Variants in CLEC12A observed in about 807,000 individuals in gnomAD.
The protein encoded by CLEC12A is C-type lectin domain family 12 member A, also known as C-type lectin protein CLL-1.
Under a neutral mutation model 26.5 loss-of-function variants are expected in CLEC12A, and 22 were observed. The ratio of observed to expected loss-of-function variants is 0.83; its 90% CI spans 0.59 to 1.19. CLEC12A has a LOEUF of 1.19. Ranked by LOEUF, CLEC12A falls within the 50% of genes most tolerant of loss-of-function variation. CLEC12A has a pLI of 0.00. For missense variants in CLEC12A, 353 were observed against 315.6 expected (o/e 1.12, Z -0.90); for synonymous variants, 119 against 101.9 (o/e 1.17, Z -1.01).
intron 4 of CLEC12A, chr12:9,992,559 A>G (rs1180339587): frequency 6.6e-6 from 1 of 152,202 alleles, no homozygotes; most frequent in African/African-American, 2.4e-5. Flanking sequence ...TTAACACTCT[A>G]AAGTTCTATT....
At chr12:9,964,134 C>A (rs2961541) in intron 1 of CLEC12A, among the ~76,000 whole-genome samples, 1 of 151,972 alleles carries the variant, frequency 6.6e-6, no homozygotes, top group East Asian at 1.9e-4. Flanking sequence ...AGAGTTGATA[C>A]AAGGAGAAAG....
chr12:9,995,263 T>C (rs759881404), exon 5 of CLEC12A: 6 of 1,590,944 alleles, frequency 3.8e-6, no homozygotes, highest in African/African-American at 2.7e-5. Flanking sequence ...TAAACATAAA[T>C]AAACACAATG....
chr12:9,957,490 C>CAA (rs58810746), intron 1 of CLEC12A, among the ~76,000 whole-genome samples: 3 of 125,020 alleles, frequency 2.4e-5, no homozygotes, highest in South Asian at 2.6e-4. Flanking sequence ...GACTTCATCT[C>CAA]AAAAAAAAAA....
At chr12:9,989,366 T>A (rs199563129), downstream of CLEC12A, among the ~76,000 whole-genome samples, 1 of 150,492 alleles carries the variant, frequency 6.6e-6, no homozygotes. Context: ...AGTATAATAA[T>A]AAAAAAAAAG....
At chr12:10,002,440 G>GTTTTTTTTTTTTTTTTTTTTTTT in the CLEC12A span, among the ~76,000 whole-genome samples, 7 of 40,480 alleles carry the variant, frequency 1.7e-4, 1 homozygote, top group Non-Finnish European at 3.0e-4. Flanking sequence ...GTTGGGTAAT[G>GTTTTTTTTTTTTTTTTTTTTTTT]TTTTTTTTTT....
chr12:9,992,994 A>T, intron 4 of CLEC12A: 1 of 689,884 alleles, frequency 1.4e-6, no homozygotes, highest in African/African-American at 1.8e-5. Context: ...AGAAGGGACT[A>T]GGTAATTCTG....
At chr12:9,977,459 A>G (rs1864383549) in intron 1 of CLEC12A, among the ~76,000 whole-genome samples, 1 of 152,224 alleles carries the variant, frequency 6.6e-6, no homozygotes, top group South Asian at 2.1e-4. Flanking sequence ...AACCTTTAAC[A>G]TCATTTTTCA....
intron 1 of CLEC12A, among the ~76,000 whole-genome samples, chr12:9,962,253 C>CTTTTTTTTT (rs71049021): frequency 5.0e-5 from 6 of 119,246 alleles, no homozygotes; most frequent in East Asian, 2.4e-4. Flanking sequence ...CCGGTTTTTT[C>CTTTTTTTTT]TTTTTTTTTT....
At chr12:9,973,080 A>C (rs1446321356) in intron 1 of CLEC12A, among the ~76,000 whole-genome samples, 1 of 152,126 alleles carries the variant, frequency 6.6e-6, no homozygotes, top group Non-Finnish European at 1.5e-5. Context: ...TAGAATCTAC[A>C]TTATGTAATA....
intron 1 of CLEC12A, 62 bp from the exon 2 acceptor site, chr12:9,978,904 T>C (rs985274213): frequency 1.7e-5 from 20 of 1,155,164 alleles, no homozygotes; most frequent in Admixed American, 5.1e-5. Flanking sequence ...AATGAATGAG[T>C]AAATAATCCA....
intron 1 of CLEC12A, among the ~76,000 whole-genome samples, chr12:9,974,188 C>T (rs1864242767): frequency 6.6e-6 from 1 of 152,174 alleles, no homozygotes; most frequent in African/African-American, 2.4e-5. Flanking sequence ...AAAAGTTGAA[C>T]AGTCCTCTAA....
chr12:9,986,395 C>T (rs1320370423), downstream of CLEC12A, among the ~76,000 whole-genome samples: 1 of 144,362 alleles, frequency 6.9e-6, no homozygotes, highest in Admixed American at 7.1e-5. Context: ...AAATGTTTTC[C>T]TTTGAAGCAA....
downstream of CLEC12A, among the ~76,000 whole-genome samples, chr12:9,987,960 C>A (rs1327666357): frequency 2.0e-5 from 3 of 152,088 alleles, no homozygotes; most frequent in African/African-American, 7.2e-5. Context: ...AGGTGCCCAC[C>A]ATCACACCTG....
downstream of CLEC12A, among the ~76,000 whole-genome samples, chr12:9,999,702 G>A (rs527272579): frequency 1.3e-5 from 2 of 152,104 alleles, no homozygotes; most frequent in African/African-American, 4.8e-5. Flanking sequence ...TCCACATGAG[G>A]CAGGCCTGAT....
intron 4 of CLEC12A, among the ~76,000 whole-genome samples, chr12:9,994,440 T>G (rs1207409179): frequency 6.6e-6 from 1 of 152,108 alleles, no homozygotes; most frequent in Non-Finnish European, 1.5e-5. Flanking sequence ...TGAGTAATAA[T>G]CAGATTATAT....
downstream of CLEC12A, among the ~76,000 whole-genome samples, chr12:9,996,497 C>T (rs887370976): frequency 1.3e-5 from 2 of 151,784 alleles, no homozygotes; most frequent in Non-Finnish European, 2.9e-5. Flanking sequence ...CTTCCGTATG[C>T]GTCTGAGTCC....
rs1315577900 is a variant in CLEC12A at position 9,985,001 on chromosome 12, G to T, written c.773G>T (p.Gly258Val). The change falls in exon 6 of 6, where the codon GGT (glycine) becomes GTT (valine). Residue 258 changes from glycine to valine, a missense_variant. Transcript: ENST00000304361. ...AAGATGGCCAATCCAGTGCAGCTTG[G>T]TTCTACATATTTTAGGGAGGCATGA... ...CEKMANPVQL[G>V]STYFREA is the part of the protein sequence containing the mutation. 3.3e-6 allele frequency: 5 copies of T among 1,531,944 alleles called. No homozygotes were observed. The highest frequency in any genetic ancestry group is 3.5e-6 in the Non-Finnish European group (4 of 1,138,566). 94.9% of individuals were successfully genotyped at this position (1,531,944 alleles called of 1,614,324 possible).
chr12:9,990,125 G>T (rs1384757913), downstream of CLEC12A, among the ~76,000 whole-genome samples: 1 of 152,070 alleles, frequency 6.6e-6, no homozygotes, highest in Non-Finnish European at 1.5e-5. Context: ...GTACCGGGAG[G>T]TTAATGTTTT....
At chr12:9,958,165 A>G (rs1371141199) in intron 1 of CLEC12A, among the ~76,000 whole-genome samples, 1 of 152,272 alleles carries the variant, frequency 6.6e-6, no homozygotes, top group East Asian at 1.9e-4. Flanking sequence ...CAGTATCATT[A>G]GCTTCCTGAA....
Sources: gnomAD v4.1 joint callset for allele counts (sites outside exome capture counted in the v4.1 genomes callset) on GRCh38, gnomAD v4.1.1 for gene constraint, MANE v1.5 for transcripts, NCBI Gene and HGNC (gene_info 2026-07-23, HGNC 2026-07-21) for gene names.